DNAH1: variants seen among roughly 807,000 people sequenced by gnomAD.
The protein encoded by DNAH1 is axonemal beta dynein heavy chain 1.
DNAH1 carries 327 observed loss-of-function variants against 484.3 expected under a neutral mutation model. The observed-to-expected ratio is 0.68, with a 90% CI of 0.62 to 0.74. DNAH1 has a LOEUF of 0.74. Ranked by LOEUF, DNAH1 falls within the 30% of genes least tolerant of loss-of-function variation. The probability of loss-of-function intolerance (pLI) is 0.00; values close to 1 mark genes in which losing one functional copy is unlikely to be tolerated. For synonymous variants in DNAH1, 2,192 were observed against 2,191.9 expected (o/e 1.00, Z 0.00); for missense variants, 5,052 against 5,546.8 (o/e 0.91, Z 2.83).
At position 52,396,928 on chromosome 3, in the gene DNAH1, C is replaced by A; in HGVS notation, c.11671C>A (p.Arg3891=). 1.2e-6 allele frequency: 2 copies of A among 1,613,496 alleles called. No individual in the cohort carries two copies. The highest frequency in any genetic ancestry group is 1.7e-6 in the Non-Finnish European group (2 of 1,179,850). Residue 3891 remains arginine, a synonymous_variant, in exon 73 of 78, where the codon CGG becomes AGG. Transcript: ENST00000420323. The part of the protein sequence containing the change: ...YGGRVTDDWD[R]RCIMNILEDF... The stretch of plus-strand genomic sequence containing the variant: ...GGGCCGTGTCACTGATGACTGGGAC[C>A]GGCGCTGCATCATGAACATCTTGGA...
chr3:52,372,519 C>A, intron 43 of DNAH1, 132 bp downstream of exon 43: 1 of 1,275,136 alleles, frequency 7.8e-7, no homozygotes, highest in Non-Finnish European at 1.1e-6. Flanking sequence ...GACAGCCCCC[C>A]AATGGGCCCA....
At position 52,363,063 on chromosome 3, in the gene DNAH1, C is replaced by T. The variant is rs1471384865; in HGVS notation, c.5163C>T (p.Ser1721=). 1.2e-6 allele frequency: 2 copies of T among 1,613,988 alleles called. No homozygotes were observed. Among genetic ancestry groups the T allele is most frequent in the Non-Finnish European group, 1.7e-6 (2 of 1,179,864 alleles). ...YAMITEISLY[S]FGFNEASVLA... is the part of the protein sequence containing the mutation. ...TGATCACTGAGATCTCCCTCTATTCCTTTGGCTTTAATGAGGCCAGTGTGC... is the reference window on the plus strand; with the variant it reads ...TGATCACTGAGATCTCCCTCTATTCTTTTGGCTTTAATGAGGCCAGTGTGC... Residue 1721 remains serine (S), a synonymous_variant, in exon 32 of 78, where the codon TCC becomes TCT. Coordinates refer to ENST00000420323, the MANE Select transcript of DNAH1 (RefSeq NM_015512.5).
chr3:52,322,510 C>T lies in DNAH1; in HGVS notation c.68C>T (p.Ala23Val), dbSNP rs1245503993. ...CCTCAGGGCCCAGAGTGCAGCAGTG[C>T]TCCTGCAGTCCAAGTGGGGACCCAC... ...RTPQGPECSS[A>V]PAVQVGTHRG... The change falls in exon 2 of 78, where the codon GCT (alanine) becomes GTT (valine). Residue 23 changes from alanine to valine, a missense_variant. Coordinates refer to ENST00000420323, the MANE Select transcript of DNAH1 (RefSeq NM_015512.5). The T allele has an allele frequency of 6.2e-6, 10 of 1,613,756 alleles. No homozygotes were observed. In the East Asian group the frequency reaches 1.8e-4, roughly 29 times the overall value.
chr3:52,314,254 C>A (rs1700879859), upstream of DNAH1, among the ~76,000 whole-genome samples: 1 of 152,198 alleles, frequency 6.6e-6, no homozygotes, highest in African/African-American at 2.4e-5. Flanking sequence ...GCTCCTGGAG[C>A]CCCCCTGGGA....
At position 52,353,539 on chromosome 3, in the gene DNAH1, C is replaced by T. The variant is rs1216143506; in HGVS notation, c.3386C>T (p.Thr1129Ile). 1.9e-6 allele frequency: 3 copies of T among 1,613,676 alleles called. No homozygotes were observed. Among genetic ancestry groups the T allele is most frequent in the Non-Finnish European group, 2.5e-6 (3 of 1,179,850 alleles). Residue 1129 changes from threonine (T) to isoleucine (I), a missense_variant, in exon 20 of 78, where the codon ACC (threonine) becomes ATC (isoleucine). Thr to Ile is a moderately conservative substitution (Grantham distance 89). Around this residue, in one of 4 missense-constraint regions of DNAH1, gnomAD observed 2,929 missense variants for 3,409.4 expected, o/e 0.86. Transcript: ENST00000420323. The surrounding 1 kb of genome is among the most constrained non-coding windows in gnomAD (Gnocchi z 5.0). ...AATGTCAGGCCCAAGGCCAACCTGA[C>T]CTTTGCTCGCTGCCTGGAGATGAAC... ...NINVRPKANL[T>I]FARCLEMNLQ...
At chr3:52,380,404 C>T (rs907118436) in intron 48 of DNAH1, among the ~76,000 whole-genome samples, 5 of 151,548 alleles carry the variant, frequency 3.3e-5, no homozygotes, top group South Asian at 2.1e-4. Flanking sequence ...CACAAGGGGC[C>T]GGGGGCGGGG....
In DNAH1 at chr3:52,361,850, A is replaced by G. The variant is rs960631551; in HGVS notation, c.4980+84A>G. The G allele has an allele frequency of 2.8e-6, 4 of 1,407,084 alleles. No homozygotes were observed. Among genetic ancestry groups the G allele is most frequent in the African/African-American group, 2.8e-5 (2 of 70,490 alleles). 87.2% of individuals were successfully genotyped at this position (1,407,084 alleles called of 1,614,324 possible). On this transcript the variant is annotated intron_variant, in intron 30 of 77. Coordinates refer to ENST00000420323, the MANE Select transcript of DNAH1 (RefSeq NM_015512.5). The surrounding 1 kb of genome is among the most constrained non-coding windows in gnomAD (Gnocchi z 5.6). ...GCTCCCCATTGCAGGCTGAGAAGCC[A>G]GGCGCTAAGGTCCACCCTGGGTCCA... is the stretch of plus-strand genomic sequence containing the variant.
rs980978479 is a variant in DNAH1 at position 52,373,708 on chromosome 3, G to A, written c.6985+655G>A. ...TTTATCCAGAAGTTATGTCAGTGTT[G>A]CGTCCTTTTTGACTTTGTTTCTGAT... On this transcript the variant is annotated intron_variant, in intron 44 of 77. Coordinates refer to ENST00000420323, the MANE Select transcript of DNAH1 (RefSeq NM_015512.5). 2.5e-5 allele frequency: 34 copies of A among 1,366,284 alleles called. No individual in the cohort carries two copies. The African/African-American group carries it at 3.6e-4, about 14-fold the overall frequency. The allele number at this position is 1,366,284 out of a possible 1,614,324, so 84.6% of individuals were successfully genotyped here.
intron 59 of DNAH1, 99 bp from the exon 60 acceptor site, chr3:52,389,362 C>T (rs1704264094): frequency 6.5e-7 from 1 of 1,533,572 alleles, no homozygotes. Context: ...CATGTCTGAG[C>T]TCAGATCTCT....
rs1432941330 is a variant in DNAH1, at chr3:52,399,575, C to G, written c.12472C>G (p.Gln4158Glu). The G allele has an allele frequency of 9.3e-6, 15 of 1,613,072 alleles. No homozygotes were observed. Among genetic ancestry groups the G allele is most frequent in the African/African-American group, 1.3e-5 (1 of 74,928 alleles). ...GTTTGAGGCACCATCAGAGTTAACACAAAGACCCCAAGTAGGGTGCTATAT... is the reference window on the plus strand; with the variant it reads ...GTTTGAGGCACCATCAGAGTTAACAGAAAGACCCCAAGTAGGGTGCTATAT... ...VMFEAPSELT[Q>E]RPQVGCYIHG... The change falls in exon 77 of 78, where the codon CAA (glutamine) becomes GAA (glutamate). Residue 4158 changes from glutamine (Q) to glutamate (E), a missense_variant. Physicochemically the swap from Gln to Glu is conservative, Grantham distance 29. This residue lies in a region of DNAH1 where 853 missense variants were observed against 899.0 expected (regional missense o/e 0.95). Coordinates refer to ENST00000420323, the MANE Select transcript of DNAH1 (RefSeq NM_015512.5).
rs769319144 is a variant in DNAH1, at chr3:52,353,625, A to T, written c.3472A>T (p.Ile1158Phe). 1 of 1,587,240 alleles carries T rather than the reference A, an allele frequency of 6.3e-7. No individual in the cohort carries two copies. Among genetic ancestry groups the T allele is most frequent in the Admixed American group, 1.8e-5 (1 of 55,536 alleles). ...TGAGGTGGCTGGCAAGGAGTACGCCATCGAGCAGGTGGGTAGCCACCAGCG... is the reference window on the plus strand; with the variant it reads ...TGAGGTGGCTGGCAAGGAGTACGCCTTCGAGCAGGTGGGTAGCCACCAGCG... ...VAEVAGKEYA[I>F]EQALDKMEKE... Residue 1158 changes from isoleucine (I) to phenylalanine (F), a missense_variant, in exon 20 of 78, where the codon ATC becomes TTC. Physicochemically the swap from Ile to Phe is conservative, Grantham distance 21. Coordinates refer to ENST00000420323, the MANE Select transcript of DNAH1 (RefSeq NM_015512.5). The surrounding 1 kb of genome is among the most constrained non-coding windows in gnomAD (Gnocchi z 5.0).
At position 52,358,633 on chromosome 3, in the gene DNAH1, A is replaced by G. The variant is rs962560624; in HGVS notation, c.4162A>G (p.Ile1388Val). 7 of 1,613,222 alleles carry G rather than the reference A, an allele frequency of 4.3e-6. No homozygotes were observed. Among genetic ancestry groups the G allele is most frequent in the African/African-American group, 4.0e-5 (3 of 74,920 alleles). The change falls in exon 25 of 78, where the codon ATC (isoleucine) becomes GTC (valine). Residue 1388 changes from isoleucine (I) to valine (V), a missense_variant. By Grantham distance (29) the Ile-to-Val change is conservative. Transcript: ENST00000420323. This position sits in a 1 kb window ranked among gnomAD's most constrained non-coding sequence, Gnocchi z 4.2. The stretch of plus-strand genomic sequence containing the variant: ...GGAGGAGGTACAGTTGTGCTTCTCC[A>G]TCTACCCCTCCAGCAACGTGGAGGA... The part of the protein sequence containing the change: ...EGEEVQLCFS[I>V]YPSSNVEDWL...
chr3:52,388,048 T>G, intron 56 of DNAH1, 119 bp from the exon 57 acceptor site: 1 of 1,290,558 alleles, frequency 7.7e-7, no homozygotes, highest in Non-Finnish European at 1.1e-6. Context: ...GAATCTGTAC[T>G]GAGGCCTGCA....
At chr3:52,325,610 C>T (rs1370649153) in intron 3 of DNAH1, among the ~76,000 whole-genome samples, 2 of 152,246 alleles carry the variant, frequency 1.3e-5, no homozygotes, top group East Asian at 3.8e-4. Context: ...TCTGTATACC[C>T]TGCTCATCTA....
At position 52,392,721 on chromosome 3, in the gene DNAH1, G is replaced by A. The variant is rs780027288; in HGVS notation, c.10278+32G>A. 1.7e-5 allele frequency: 20 copies of A among 1,147,278 alleles called. No homozygotes were observed. The South Asian group carries it at 2.0e-4, about 12-fold the overall frequency. The allele number at this position is 1,147,278 out of a possible 1,614,324, so 71.1% of individuals were successfully genotyped here. On this transcript the variant is annotated intron_variant, in intron 64 of 77. Coordinates refer to ENST00000420323, the MANE Select transcript of DNAH1 (RefSeq NM_015512.5). ...TGCTGCCTGCCCACCCACCTGCCCCGGGAGTGCCCCGGGCCTGCCCCCCAC... is the reference window on the plus strand; with the variant it reads ...TGCTGCCTGCCCACCCACCTGCCCCAGGAGTGCCCCGGGCCTGCCCCCCAC...
rs114372325 is a variant in DNAH1, at chr3:52,327,849, G to C, written c.739-33G>C. ...CCACCTGGGCCCCACTAGAGGAGCT[G>C]CTTCTTCCCAATGTTGGCCTGCTTT... On this transcript the variant is annotated intron_variant, in intron 5 of 77. Coordinates refer to ENST00000420323, the MANE Select transcript of DNAH1 (RefSeq NM_015512.5). 4.4e-3 allele frequency: 7,028 copies of C among 1,608,508 alleles called. 25 individuals carry two copies. Among genetic ancestry groups the C allele is most frequent in the Non-Finnish European group, 5.3e-3 (6,218 of 1,175,306 alleles).
At position 52,357,970 on chromosome 3, in the gene DNAH1, A is replaced by G. The variant is rs758806957; in HGVS notation, c.4053A>G (p.Pro1351=). The G allele has an allele frequency of 1.2e-6, 2 of 1,612,352 alleles. No individual in the cohort carries two copies. The highest frequency in any genetic ancestry group is 2.2e-5 in the South Asian group (2 of 90,950). The change falls in exon 24 of 78, where the codon CCA becomes CCG. Residue 1351 remains proline (P), a synonymous_variant. Transcript: ENST00000420323. ...SQTKDPTAVQ[P]HLRKCFENIA... is the part of the protein sequence containing the mutation. ...CAAAGGACCCCACGGCCGTGCAGCC[A>G]CACCTGCGCAAGTGCTTCGAGAACA...
At chr3:52,378,529 G>A (rs1280986100) in intron 46 of DNAH1, 73 bp from the exon 47 acceptor site, 3 of 1,507,748 alleles carry the variant, frequency 2.0e-6, no homozygotes, top group African/African-American at 2.8e-5. Context: ...GCAAAGGCAA[G>A]GAGGTCAGGA....
rs1320168792 is a variant in DNAH1, at chr3:52,355,969, C to T, written c.3694-645C>T. 2.0e-5 allele frequency among the ~76,000 whole-genome samples: 3 copies of T among 152,248 alleles called. No homozygotes were observed. The highest frequency in any genetic ancestry group is 3.8e-4 in the East Asian group (2 of 5,198). ...GGGCCCCTCGAGGGAAGGGACCAGG[C>T]CGCATTCCCCTGTTTCCCCTAGTGC... On this transcript the variant is annotated intron_variant, in intron 21 of 77. Transcript: ENST00000420323. The surrounding 1 kb of genome is among the most constrained non-coding windows in gnomAD (Gnocchi z 4.5).
Sources: gnomAD v4.1 joint callset for allele counts (sites outside exome capture counted in the v4.1 genomes callset) on GRCh38, gnomAD v4.1.1 for gene constraint, gnomAD v4.1.1 regional missense constraint, Gnocchi (gnomAD v3.1) non-coding constraint, MANE v1.5 for transcripts, NCBI Gene and HGNC (gene_info 2026-07-23, HGNC 2026-07-21) for gene names.